The following LRRD1 variants were observed in gnomAD, a reference collection of about 807,000 sequenced individuals.
LRRD1 encodes leucine-rich repeat and death domain-containing protein 1.
Under a neutral mutation model 69.5 loss-of-function variants are expected in LRRD1, and 49 were observed. The observed-to-expected ratio is 0.70, with a 90% CI of 0.56 to 0.89. The LOEUF is 0.89. Among genes scored for constraint, LRRD1 ranks in the 40% least tolerant of loss-of-function variants. The probability of loss-of-function intolerance (pLI) is 0.00; values close to 1 mark genes in which losing one functional copy is unlikely to be tolerated. For missense variants in LRRD1, 853 were observed against 956.0 expected, an observed-to-expected ratio of 0.89 and a Z score of 1.42; for synonymous variants, 303 against 338.9, an observed-to-expected ratio of 0.89 and a Z score of 1.16.
In LRRD1 at chr7:92,163,493, A is replaced by T; in HGVS notation, c.1710T>A (p.Thr570=). 2.0e-6 allele frequency: 3 copies of T among 1,527,240 alleles called. No individual in the cohort carries two copies. Among genetic ancestry groups the T allele is most frequent in the Non-Finnish European group, 1.8e-6 (2 of 1,138,098 alleles). The allele number at this position is 1,527,240 out of a possible 1,614,324, so 94.6% of individuals were successfully genotyped here. The change falls in exon 2 of 6, where the codon ACT becomes ACA. Residue 570 remains threonine, a synonymous_variant. Coordinates refer to ENST00000458448, the MANE Select transcript of LRRD1 (RefSeq NM_001161528.2). ...CTAAAGTACACAATTCTCTAGGGAA[A>T]GTTTCAAATTTATTACAGCATAAAA... The part of the protein sequence containing the change: ...VLILCCNKFE[T]FPRELCTLEN...
At chr7:92,142,965 T>G, downstream of LRRD1, 1 of 257,886 alleles carries the variant, frequency 3.9e-6, no homozygotes, top group Non-Finnish European at 7.8e-6. Flanking sequence ...CACTGCTGGC[T>G]CAGGCAGCCT....
chr7:92,143,626 G>A (rs1391747455), downstream of LRRD1, among the ~76,000 whole-genome samples: 4 of 152,154 alleles, frequency 2.6e-5, no homozygotes, highest in East Asian at 3.9e-4. Context: ...CGAGTGCGGG[G>A]CCGCCGAGCC....
intron 1 of LRRD1, among the ~76,000 whole-genome samples, chr7:92,166,193 TC>T (rs1788905619): frequency 6.6e-6 from 1 of 152,204 alleles, no homozygotes; most frequent in Non-Finnish European, 1.5e-5. Context: ...TGTAAGTCCC[TC>T]CTTCAAGCTT....
At chr7:92,159,835 G>A (rs1788760259) in intron 2 of LRRD1, among the ~76,000 whole-genome samples, 1 of 151,866 alleles carries the variant, frequency 6.6e-6, no homozygotes, top group Non-Finnish European at 1.5e-5. Context: ...TGGCCAAGCT[G>A]GTTTCGAACT....
At chr7:92,150,030 A>G (rs1192462096) in intron 4 of LRRD1, 12 of 381,070 alleles carry the variant, frequency 3.1e-5, no homozygotes, top group African/African-American at 2.5e-4. Flanking sequence ...TCAGTGCCTC[A>G]ATTTGTGTGG....
intron 1 of LRRD1, among the ~76,000 whole-genome samples, chr7:92,173,099 A>T (rs1789092214): frequency 1.3e-5 from 2 of 152,210 alleles, no homozygotes; most frequent in Non-Finnish European, 2.9e-5. Flanking sequence ...TGGGGAAAAG[A>T]CAGTCTCTTT....
intron 5 of LRRD1, among the ~76,000 whole-genome samples, chr7:92,145,482 C>T (rs1200059505): frequency 2.0e-5 from 3 of 149,498 alleles, no homozygotes; most frequent in African/African-American, 7.4e-5. Flanking sequence ...TGCTGTCTCC[C>T]AGGCTGGAGT....
chr7:92,173,963 T>G (rs1789110874), intron 1 of LRRD1, among the ~76,000 whole-genome samples: 1 of 152,102 alleles, frequency 6.6e-6, no homozygotes, highest in Non-Finnish European at 1.5e-5. Context: ...AAAGAAAATA[T>G]CATATATATA....
intron 1 of LRRD1, among the ~76,000 whole-genome samples, chr7:92,174,497 ATATATATATATATTTTTTTT>A (rs1789132320): frequency 5.4e-5 from 1 of 18,444 alleles, no homozygotes; most frequent in Non-Finnish European, 1.2e-4. Context: ...ATATATATAT[ATATATATATATATTTTTTTT>A]TTTTTTTTTT....
At chr7:92,175,289 A>G (rs1422223189) in intron 1 of LRRD1, among the ~76,000 whole-genome samples, 1 of 152,142 alleles carries the variant, frequency 6.6e-6, no homozygotes, top group Admixed American at 6.6e-5. Context: ...TTCTACATTT[A>G]CTTCTGTATC....
intron 1 of LRRD1, among the ~76,000 whole-genome samples, chr7:92,178,580 G>A (rs1414018558): frequency 3.3e-5 from 5 of 151,628 alleles, no homozygotes; most frequent in South Asian, 4.2e-4. Context: ...TGAGACAGGA[G>A]AATTACTTGA....
intron 1 of LRRD1, among the ~76,000 whole-genome samples, chr7:92,171,578 T>C (rs2131020985): frequency 6.6e-6 from 1 of 152,302 alleles, no homozygotes; most frequent in Admixed American, 6.5e-5. Flanking sequence ...GCTTGACTTC[T>C]AAATTCTACC....
intron 1 of LRRD1, among the ~76,000 whole-genome samples, chr7:92,173,195 C>A (rs945982754): frequency 2.0e-5 from 3 of 152,126 alleles, no homozygotes; most frequent in African/African-American, 7.2e-5. Context: ...AAAATCAAAT[C>A]AAAATGGCTT....
At chr7:92,170,354 C>T (rs1789028472) in intron 1 of LRRD1, among the ~76,000 whole-genome samples, 1 of 152,002 alleles carries the variant, frequency 6.6e-6, no homozygotes, top group African/African-American at 2.4e-5. Context: ...GAATACTCTC[C>T]AGTTTAAGAG....
In LRRD1 at chr7:92,144,902, C is replaced by A; in HGVS notation, c.2569G>T (p.Ala857Ser). 1 of 1,490,196 alleles carries A rather than the reference C, an allele frequency of 6.7e-7. No individual in the cohort carries two copies. The highest frequency in any genetic ancestry group is 2.5e-5 in the East Asian group (1 of 39,792). The allele number at this position is 1,490,196 out of a possible 1,614,324, so 92.3% of individuals were successfully genotyped here. Residue 857 changes from alanine to serine, a missense_variant, in exon 6 of 6, where the codon GCA becomes TCA. By Grantham distance (99) the Ala-to-Ser change is moderately conservative. Transcript: ENST00000458448. The stretch of plus-strand genomic sequence containing the variant: ...TGATCCACTGGTTAGAATTTAATTG[C>A]ACGCGTAAAAAGATTTAAAGCTGTT... ...KITALNLFTR[A>S]IKF
In LRRD1 at chr7:92,164,446, A is replaced by T; in HGVS notation, c.757T>A (p.Leu253Ile). 7 of 1,550,162 alleles carry T rather than the reference A, an allele frequency of 4.5e-6. No individual in the cohort carries two copies. Among genetic ancestry groups the T allele is most frequent in the East Asian group, 2.5e-5 (1 of 40,814 alleles). Residue 253 changes from leucine (L) to isoleucine (I), a missense_variant, in exon 2 of 6, where the codon TTA becomes ATA. By Grantham distance (5) the Leu-to-Ile change is conservative. Coordinates refer to ENST00000458448, the MANE Select transcript of LRRD1 (RefSeq NM_001161528.2). ...ATTTCCAAGTTTCCAAGACATTCTA[A>T]GTCAGAAGGAAAATTTTCAATGTAA... The part of the protein sequence containing the change: ...NNYIENFPSD[L>I]ECLGNLEILS...
At chr7:92,167,284 C>G (rs369022682) in intron 1 of LRRD1, among the ~76,000 whole-genome samples, 81 of 150,988 alleles carry the variant, frequency 5.4e-4, no homozygotes, top group Middle Eastern at 3.4e-3. Flanking sequence ...TTAGTAGAGA[C>G]GAGGTTTCAC....
chr7:92,149,138 G>A (rs1217631836), intron 4 of LRRD1, among the ~76,000 whole-genome samples: 1 of 152,096 alleles, frequency 6.6e-6, no homozygotes, highest in African/African-American at 2.4e-5. Flanking sequence ...TTGTATTTTA[G>A]GTTCCTTTAT....
At chr7:92,177,252 A>G (rs1157929292) in intron 1 of LRRD1, among the ~76,000 whole-genome samples, 1 of 151,474 alleles carries the variant, frequency 6.6e-6, no homozygotes, top group Non-Finnish European at 1.5e-5. Context: ...CTCTTTGTCC[A>G]GTTTTGGTTT....
Sources: allele counts gnomAD v4.1 joint callset (sites outside exome capture counted in the v4.1 genomes callset), GRCh38; gene constraint gnomAD v4.1.1; transcripts MANE v1.5; gene names NCBI Gene and HGNC (gene_info 2026-07-23, HGNC 2026-07-21).